The following TMEM117 variants were observed in gnomAD, a reference collection of about 807,000 sequenced individuals.
TMEM117 encodes the protein transmembrane protein 117.
A neutral mutation model predicts 52.4 loss-of-function variants in TMEM117; 27 were observed. The observed-to-expected ratio is 0.51, with a 90% CI of 0.38 to 0.71. TMEM117 has a LOEUF of 0.71. Ranked by LOEUF, TMEM117 falls within the 30% of genes least tolerant of loss-of-function variation. The pLI is 0.00. For synonymous variants in TMEM117, 215 were observed against 206.3 expected, an observed-to-expected ratio of 1.04 and a Z score of -0.36; for missense variants, 556 against 630.5, an observed-to-expected ratio of 0.88 and a Z score of 1.26.
intron 2 of TMEM117, among the ~76,000 whole-genome samples, chr12:43,891,285 G>T (rs1235871389): frequency 6.6e-6 from 1 of 150,936 alleles, no homozygotes; most frequent in African/African-American, 2.4e-5. Flanking sequence ...TGTCCTCATT[G>T]AGCTTACAGT....
chr12:44,359,230 T>A, intron 6 of TMEM117, among the ~76,000 whole-genome samples: 1 of 151,804 alleles, frequency 6.6e-6, no homozygotes, highest in Admixed American at 6.6e-5. Flanking sequence ...GTAAAAGAAT[T>A]GCTGTGAGAA....
intron 2 of TMEM117, among the ~76,000 whole-genome samples, chr12:43,857,169 G>T (rs1023036639): frequency 1.3e-5 from 2 of 152,190 alleles, no homozygotes; most frequent in African/African-American, 4.8e-5. Flanking sequence ...GCAGCTTTCA[G>T]TGTGATAGAA....
chr12:43,798,621 T>TA, the TMEM117 span: 227,364 of 1,278,590 alleles, frequency 0.18, 2,584 homozygotes, highest in African/African-American at 0.27. Context: ...ATCAAACTCG[T>TA]AAAAAAAAAA....
At chr12:44,010,342 T>C in intron 3 of TMEM117, 1 of 427,352 alleles carries the variant, frequency 2.3e-6, no homozygotes, top group Non-Finnish European at 4.7e-6. Context: ...GTCTCCCTGC[T>C]GCTCTGGGTA....
chr12:44,376,771 T>C, intron 7 of TMEM117, 47 bp downstream of exon 7: 1 of 1,547,850 alleles, frequency 6.5e-7, no homozygotes, highest in Non-Finnish European at 8.7e-7. Context: ...GTACATTAGT[T>C]AGGGTAATGC....
intron 2 of TMEM117, among the ~76,000 whole-genome samples, chr12:43,942,708 A>AT (rs993863318): frequency 2.6e-5 from 4 of 152,124 alleles, no homozygotes; most frequent in Admixed American, 2.6e-4. Flanking sequence ...TACTGTTTTC[A>AT]TAAAGGTGAG....
chr12:44,171,446 G>A (rs578253646), intron 4 of TMEM117, among the ~76,000 whole-genome samples: 3 of 152,266 alleles, frequency 2.0e-5, no homozygotes, highest in African/African-American at 7.2e-5. Flanking sequence ...TGTGGTGTTT[G>A]CCTAATGGTG....
intron 3 of TMEM117, among the ~76,000 whole-genome samples, chr12:44,023,797 A>C (rs1457923585): frequency 8.5e-6 from 1 of 117,054 alleles, no homozygotes; most frequent in East Asian, 2.8e-4. Context: ...GGAACATCAC[A>C]CTCCGGGGAC....
chr12:44,341,465 A>G (rs1025673997), intron 6 of TMEM117, among the ~76,000 whole-genome samples: 1 of 152,146 alleles, frequency 6.6e-6, no homozygotes, highest in African/African-American at 2.4e-5. Flanking sequence ...TCTATGGCTG[A>G]ATAGTATTCC....
chr12:44,254,794 G>A lies in TMEM117; in HGVS notation c.608+43407G>A, dbSNP rs191416594. On this transcript the variant is annotated intron_variant, in intron 5 of 7. Transcript: ENST00000266534. ...TTTAGCATTAGGTATATCTCCTAAA[G>A]CTATCCCTCCCCTCTCCCCCCACCC... Among the ~76,000 whole-genome samples the A allele has an allele frequency of 3.5e-3, 536 of 152,110 alleles. 4 individuals carry two copies. The highest frequency in any genetic ancestry group is 0.012 in the African/African-American group (495 of 41,502).
At chr12:44,146,644 C>G (rs1948646232) in intron 4 of TMEM117, among the ~76,000 whole-genome samples, 2 of 152,096 alleles carry the variant, frequency 1.3e-5, no homozygotes, top group African/African-American at 2.4e-5. Context: ...CAGTGAGTTT[C>G]TGTATAAATA....
At position 44,388,682 on chromosome 12, in the gene TMEM117, T is replaced by A. The variant is rs1952130411; in HGVS notation, c.*10T>A. 1.2e-6 allele frequency: 2 copies of A among 1,610,770 alleles called. No homozygotes were observed. The highest frequency in any genetic ancestry group is 1.7e-5 in the Admixed American group (1 of 59,544). On this transcript the variant is annotated 3_prime_UTR_variant, in exon 8 of 8. Coordinates refer to ENST00000266534, the MANE Select transcript of TMEM117 (RefSeq NM_032256.3). ...TACACCTACGAACTAGACTCGGAGA[T>A]AGACTTGGAGATAACACAAAAAGCA... is the stretch of plus-strand genomic sequence containing the variant.
intron 5 of TMEM117, among the ~76,000 whole-genome samples, chr12:44,291,374 G>GTTTTT (rs1185340451): frequency 1.5e-4 from 11 of 71,442 alleles, no homozygotes; most frequent in African/African-American, 1.7e-4. Flanking sequence ...AGTTCTAACA[G>GTTTTT]TTTTTTTTTT....
intron 6 of TMEM117, among the ~76,000 whole-genome samples, chr12:44,311,885 GTATATATATGTGTA>G (rs1325845628): frequency 7.6e-6 from 1 of 131,458 alleles, no homozygotes; most frequent in Non-Finnish European, 1.5e-5. Context: ...ATGTATATAT[GTATATATATGTGTA>G]TATATATATG....
intron 6 of TMEM117, among the ~76,000 whole-genome samples, chr12:44,337,588 T>C (rs577595873): frequency 6.6e-6 from 1 of 151,910 alleles, no homozygotes; most frequent in African/African-American, 2.4e-5. Flanking sequence ...ATCTTTCCAA[T>C]AGACTGACAA....
At chr12:44,359,992 C>G (rs1951699498) in intron 6 of TMEM117, among the ~76,000 whole-genome samples, 1 of 152,050 alleles carries the variant, frequency 6.6e-6, no homozygotes, top group African/African-American at 2.4e-5. Context: ...AGTTGAATCT[C>G]AAAGAAAACA....
At chr12:44,290,061 T>C (rs1313184087) in intron 5 of TMEM117, among the ~76,000 whole-genome samples, 1 of 152,166 alleles carries the variant, frequency 6.6e-6, no homozygotes, top group Non-Finnish European at 1.5e-5. Flanking sequence ...GGTTATTTCA[T>C]TTTTTGCTAT....
intron 3 of TMEM117, among the ~76,000 whole-genome samples, chr12:44,024,762 G>A (rs1301042245): frequency 1.3e-5 from 2 of 151,936 alleles, no homozygotes; most frequent in African/African-American, 2.4e-5. Context: ...TTATTTTAAC[G>A]ATTAGTCAGT....
downstream of TMEM117, among the ~76,000 whole-genome samples, chr12:44,393,183 A>G (rs1952168849): frequency 6.6e-6 from 1 of 152,150 alleles, no homozygotes; most frequent in Non-Finnish European, 1.5e-5. Flanking sequence ...TCACAGGTTT[A>G]TATATCTACC....
Sources: gnomAD v4.1 joint callset for allele counts (sites outside exome capture counted in the v4.1 genomes callset) on GRCh38, gnomAD v4.1.1 for gene constraint, MANE v1.5 for transcripts, NCBI Gene and HGNC (gene_info 2026-07-23, HGNC 2026-07-21) for gene names.